Variants in HYCC1 observed in about 807,000 individuals in gnomAD.
The protein encoded by HYCC1 is hyccin PI4KA lipid kinase complex subunit 1, also known as hyccin.
chr7:22,951,814 C>T, the HYCC1 span, among the ~76,000 whole-genome samples: 23 of 151,904 alleles, frequency 1.5e-4, no homozygotes, highest in Middle Eastern at 3.4e-3. Flanking sequence ...GGGAAAATGT[C>T]TGACAATATT....
At chr7:22,943,523 G>A in the HYCC1 span, 8 of 152,102 alleles carry the variant, frequency 5.3e-5, no homozygotes, top group African/African-American at 1.9e-4. Context: ...TCTAAATGAG[G>A]TTCCATTACA....
At chr7:22,988,694 C>G in the HYCC1 span, among the ~76,000 whole-genome samples, 109 of 152,308 alleles carry the variant, frequency 7.2e-4, no homozygotes, top group African/African-American at 2.5e-3. Context: ...AACACAACAC[C>G]TTAGAGTTCT....
chr7:22,973,460 A>C, the HYCC1 span, among the ~76,000 whole-genome samples: 1 of 152,204 alleles, frequency 6.6e-6, no homozygotes, highest in Admixed American at 6.5e-5. Context: ...TTAAAGACAT[A>C]AACAACTAAA....
chr7:22,985,768 C>A, the HYCC1 span: 1 of 150,398 alleles, frequency 6.6e-6, no homozygotes, highest in African/African-American at 2.4e-5. Flanking sequence ...GAATAACAGT[C>A]AAATAAACAG....
At chr7:22,919,198 C>T in the HYCC1 span, among the ~76,000 whole-genome samples, 1 of 152,134 alleles carries the variant, frequency 6.6e-6, no homozygotes, top group Non-Finnish European at 1.5e-5. Flanking sequence ...CCATTATATA[C>T]GTACAAAGAA....
At chr7:22,896,792 A>G in the HYCC1 span, among the ~76,000 whole-genome samples, 18 of 152,232 alleles carry the variant, frequency 1.2e-4, no homozygotes, top group Admixed American at 1.2e-3. Context: ...ATCACCCCTT[A>G]TTAGCTCTGA....
chr7:22,952,249 G>C, the HYCC1 span, among the ~76,000 whole-genome samples: 1 of 151,988 alleles, frequency 6.6e-6, no homozygotes, highest in Admixed American at 6.6e-5. Flanking sequence ...AGATGGGAAA[G>C]AGGAAGTAGG....
the HYCC1 span, among the ~76,000 whole-genome samples, chr7:22,909,791 G>A: frequency 8.5e-5 from 13 of 152,124 alleles, no homozygotes; most frequent in Non-Finnish European, 1.3e-4. Context: ...TGTAGGTATT[G>A]TTAAGCACCT....
chr7:22,924,513 A>G, the HYCC1 span, among the ~76,000 whole-genome samples: 1 of 152,224 alleles, frequency 6.6e-6, no homozygotes. Context: ...CGGGCTTAAC[A>G]AACAGCACAC....
chr7:22,956,522 G>C, the HYCC1 span, among the ~76,000 whole-genome samples: 1 of 146,364 alleles, frequency 6.8e-6, no homozygotes, highest in African/African-American at 2.5e-5. Context: ...CACACCATTA[G>C]TTGTCAAACA....
the HYCC1 span, among the ~76,000 whole-genome samples, chr7:22,928,649 A>C: frequency 6.6e-6 from 1 of 152,182 alleles, no homozygotes; most frequent in Non-Finnish European, 1.5e-5. Context: ...GGACCTCTTC[A>C]AGGAGAACTA....
chr7:23,010,753 A>AC, the HYCC1 span, among the ~76,000 whole-genome samples: 10 of 152,226 alleles, frequency 6.6e-5, no homozygotes, highest in Non-Finnish European at 1.2e-4. Flanking sequence ...TCTGGAAAAC[A>AC]AAATTCTTTA....
At chr7:22,931,022 A>C in the HYCC1 span, among the ~76,000 whole-genome samples, 5 of 152,196 alleles carry the variant, frequency 3.3e-5, no homozygotes, top group South Asian at 6.2e-4. Flanking sequence ...AGATAAACCC[A>C]CAGTTTGCAT....
chr7:22,906,018 G>A, the HYCC1 span, among the ~76,000 whole-genome samples: 1 of 152,298 alleles, frequency 6.6e-6, no homozygotes, highest in Admixed American at 6.5e-5. Context: ...CATCTGGAAA[G>A]ATTAGTAAGA....
the HYCC1 span, among the ~76,000 whole-genome samples, chr7:22,970,727 G>A: frequency 6.6e-6 from 1 of 152,090 alleles, no homozygotes; most frequent in Non-Finnish European, 1.5e-5. Context: ...CTCTGAATTA[G>A]GTTTTTTCTG....
At chr7:22,953,098 C>T in the HYCC1 span, among the ~76,000 whole-genome samples, 111 of 152,060 alleles carry the variant, frequency 7.3e-4, no homozygotes, top group Non-Finnish European at 1.4e-3. Context: ...CAATTACTCT[C>T]AGTAACTCCT....
the HYCC1 span, among the ~76,000 whole-genome samples, chr7:22,980,434 A>G: frequency 6.6e-6 from 1 of 152,122 alleles, no homozygotes; most frequent in South Asian, 2.1e-4. Flanking sequence ...TGTAAAATAA[A>G]TTTTGAGTTC....
chr7:22,957,839 T>C, the HYCC1 span, among the ~76,000 whole-genome samples: 2 of 151,278 alleles, frequency 1.3e-5, no homozygotes, highest in African/African-American at 2.4e-5. Flanking sequence ...TTCAGAAACA[T>C]TATGAGATAA....
At chr7:22,949,324 T>C in the HYCC1 span, among the ~76,000 whole-genome samples, 1 of 152,014 alleles carries the variant, frequency 6.6e-6, no homozygotes, top group Non-Finnish European at 1.5e-5. Flanking sequence ...TACACAACTA[T>C]TCAGTGGGGG....
Sources: gnomAD v4.1 joint callset for allele counts (sites outside exome capture counted in the v4.1 genomes callset) on GRCh38, gnomAD v4.1.1 for gene constraint, MANE v1.5 for transcripts, NCBI Gene and HGNC (gene_info 2026-07-23, HGNC 2026-07-21) for gene names.